The following RXRA variants were observed in gnomAD, a reference collection of about 807,000 sequenced individuals.
RXRA encodes retinoic acid receptor RXR-alpha.
Under a neutral mutation model 44.5 loss-of-function variants are expected in RXRA, and 5 were observed. The observed-to-expected ratio is 0.11, with a 90% confidence interval of 0.06 to 0.24. The LOEUF (loss-of-function observed/expected upper bound fraction) is 0.24. Among genes scored for constraint, RXRA ranks in the 10% least tolerant of loss-of-function variants. The pLI, the probability that RXRA is intolerant of heterozygous loss-of-function variation, is 1.00. For missense variants in RXRA, 412 were observed against 646.5 expected, an observed-to-expected ratio of 0.64 and a Z score of 3.93; for synonymous variants, 291 against 271.4, an observed-to-expected ratio of 1.07 and a Z score of -0.71.
intron 1 of RXRA, among the ~76,000 whole-genome samples, chr9:134,329,012 G>T (rs1416615607): frequency 6.6e-6 from 1 of 152,230 alleles, no homozygotes; most frequent in African/African-American, 2.4e-5. Flanking sequence ...GGGGCTGGCC[G>T]CGCTCCCACG....
intron 5 of RXRA, among the ~76,000 whole-genome samples, chr9:134,418,847 C>T (rs1831281321): frequency 6.6e-6 from 1 of 152,234 alleles, no homozygotes; most frequent in African/African-American, 2.4e-5. Flanking sequence ...GACAGCGACC[C>T]CACCCTGCTC....
chr9:134,423,528 G>A lies in RXRA; in HGVS notation c.910+1723G>A, dbSNP rs540810495. ...ACAGGCTGTGTGTATAGGGCCTGGCGCCGTCGCCACCCTCCTGGAAGGACT... is the reference window on the plus strand; with the variant it reads ...ACAGGCTGTGTGTATAGGGCCTGGCACCGTCGCCACCCTCCTGGAAGGACT... On this transcript the variant is annotated intron_variant, in intron 6 of 9. Coordinates refer to ENST00000481739, the MANE Select transcript of RXRA (RefSeq NM_002957.6). The A allele has an allele frequency of 2.0e-5, 20 of 985,422 alleles. No homozygotes were observed. In the South Asian group the frequency reaches 8.0e-4, roughly 39 times the overall value. The allele number at this position is 985,422 out of a possible 1,614,324, so 61.0% of individuals were successfully genotyped here. A position where few individuals can be genotyped will look rare whatever the true frequency, so the allele number is the denominator to read the frequency against.
At chr9:134,379,984 C>T (rs1830617737) in intron 1 of RXRA, 17 of 985,342 alleles carry the variant, frequency 1.7e-5, no homozygotes, top group Non-Finnish European at 1.8e-5. Context: ...TCGGGGCTGT[C>T]GGAGCTTCAG....
rs199867203 is a variant in RXRA, at chr9:134,429,250, G to A, written c.1043+10G>A. On this transcript the variant is annotated intron_variant, in intron 7 of 9. Coordinates refer to ENST00000481739, the MANE Select transcript of RXRA (RefSeq NM_002957.6). ...GCGCCATCTTTGACAGGTGGGGGTG[G>A]TCCCGGGAGGGGCGAGGGCGCTTCG... The A allele has an allele frequency of 1.1e-5, 17 of 1,609,768 alleles. No individual in the cohort carries two copies. Among genetic ancestry groups the A allele is most frequent in the Non-Finnish European group, 1.4e-5 (17 of 1,178,370 alleles).
intron 1 of RXRA, among the ~76,000 whole-genome samples, chr9:134,383,991 A>G (rs1830682637): frequency 6.6e-6 from 1 of 152,098 alleles, no homozygotes; most frequent in Admixed American, 6.5e-5. Flanking sequence ...TGAGACTAGC[A>G]TGTGCCTGTG....
At chr9:134,399,268 CAG>C (rs1830925449) in intron 1 of RXRA, among the ~76,000 whole-genome samples, 1 of 152,232 alleles carries the variant, frequency 6.6e-6, no homozygotes, top group African/African-American at 2.4e-5. Flanking sequence ...GGCCTAGGGG[CAG>C]CTGCAGGTTT....
At chr9:134,380,293 T>A in intron 1 of RXRA, 1 of 699,986 alleles carries the variant, frequency 1.4e-6, no homozygotes, top group Non-Finnish European at 1.8e-6. Flanking sequence ...GAGGCTGGCC[T>A]GCCCGTGGCT....
intron 1 of RXRA, among the ~76,000 whole-genome samples, chr9:134,393,631 G>A (rs12003871): frequency 0.13 from 20,042 of 152,258 alleles, 4,325 homozygotes; most frequent in African/African-American, 0.45. Flanking sequence ...AGCTCCCATG[G>A]TGGGCTTCTC....
chr9:134,361,971 C>T (rs548528788), intron 1 of RXRA, among the ~76,000 whole-genome samples: 20 of 152,304 alleles, frequency 1.3e-4, no homozygotes, highest in African/African-American at 4.1e-4. Context: ...CTGATGCCGC[C>T]GGGCTCCGGT....
chr9:134,402,509 G>GAA (rs1830980804), intron 2 of RXRA: 1 of 152,416 alleles, frequency 6.6e-6, no homozygotes, highest in Non-Finnish European at 1.5e-5. Flanking sequence ...CTGGCCCTTT[G>GAA]GGCTGTTTCT....
intron 9 of RXRA, 86 bp from the exon 10 acceptor site, chr9:134,436,381 C>A: frequency 7.3e-7 from 1 of 1,370,786 alleles, no homozygotes; most frequent in South Asian, 1.3e-5. Flanking sequence ...GTATCAGACA[C>A]AGCCCCATCC....
chr9:134,378,133 C>A (rs1336837793), intron 1 of RXRA, among the ~76,000 whole-genome samples: 3 of 152,318 alleles, frequency 2.0e-5, no homozygotes, highest in African/African-American at 7.2e-5. Context: ...TGGCAGCCAC[C>A]CAGGGTTCTG....
Position 134,426,285 on chromosome 9 carries a change from C to T in RXRA, c.911-2823C>T. On this transcript the variant is annotated intron_variant, in intron 6 of 9. Transcript: ENST00000481739. This position sits in a 1 kb window ranked among gnomAD's most constrained non-coding sequence, Gnocchi z 4.6. ...GTGCCGGGCCCCCACATCACAGGGC[C>T]AGGAGCCCTCCTTCCTGCAGCGATG... 1 of 985,450 alleles carries T rather than the reference C, an allele frequency of 1.0e-6. No homozygotes were observed. Among genetic ancestry groups the T allele is most frequent in the Non-Finnish European group, 1.2e-6 (1 of 829,924 alleles). 61.0% of individuals were successfully genotyped at this position (985,450 alleles called of 1,614,324 possible). A position where few individuals can be genotyped will look rare whatever the true frequency, so the allele number is the denominator to read the frequency against.
intron 1 of RXRA, among the ~76,000 whole-genome samples, chr9:134,400,426 C>T (rs929721050): frequency 4.6e-5 from 7 of 152,216 alleles, no homozygotes; most frequent in African/African-American, 1.7e-4. Context: ...TGCCACAGGT[C>T]AAGGCACGGA....
At position 134,407,721 on chromosome 9, in the gene RXRA, CAT is replaced by C. The variant is rs1404820488; in HGVS notation, c.280-427_280-426del. On this transcript the variant is annotated intron_variant, in intron 2 of 9. Coordinates refer to ENST00000481739, the MANE Select transcript of RXRA (RefSeq NM_002957.6). The surrounding 1 kb of genome is among the most constrained non-coding windows in gnomAD (Gnocchi z 4.8). ...CCTGGGAACTGGGCTTCGGCGTCCT[CAT>C]GTGTGGGTTGGGACCCCCCAGAGTG... is the stretch of plus-strand genomic sequence containing the variant. Among the ~76,000 whole-genome samples the C allele has an allele frequency of 8.5e-5, 13 of 152,118 alleles. No homozygotes were observed. Among genetic ancestry groups the C allele is most frequent in the South Asian group, 2.1e-4 (1 of 4,832 alleles).
chr9:134,414,639 G>A (rs1831204413), intron 4 of RXRA, among the ~76,000 whole-genome samples: 1 of 152,242 alleles, frequency 6.6e-6, no homozygotes, highest in African/African-American at 2.4e-5. Context: ...GCTCAGCCCT[G>A]CCCCTTTGGC....
At chr9:134,378,904 C>T (rs974418392) in intron 1 of RXRA, among the ~76,000 whole-genome samples, 1 of 152,216 alleles carries the variant, frequency 6.6e-6, no homozygotes, top group Non-Finnish European at 1.5e-5. Flanking sequence ...TGTTTTGTTT[C>T]CTCAAGTCAG....
At chr9:134,333,268 C>T (rs1835033525) in intron 1 of RXRA, among the ~76,000 whole-genome samples, 1 of 152,172 alleles carries the variant, frequency 6.6e-6, no homozygotes, top group Non-Finnish European at 1.5e-5. Context: ...GGCTTCAGCC[C>T]CAGCTCCTCT....
chr9:134,378,268 TC>T (rs1830588214), intron 1 of RXRA, among the ~76,000 whole-genome samples: 1 of 152,044 alleles, frequency 6.6e-6, no homozygotes, highest in African/African-American at 2.4e-5. Context: ...AGGCGAGTTC[TC>T]TGTCTGCTGG....
Sources: allele counts gnomAD v4.1 joint callset (sites outside exome capture counted in the v4.1 genomes callset), GRCh38; gene constraint gnomAD v4.1.1; non-coding constraint Gnocchi (gnomAD v3.1); transcripts MANE v1.5; gene names NCBI Gene and HGNC (gene_info 2026-07-23, HGNC 2026-07-21).